HERC3: variants seen among roughly 807,000 people sequenced by gnomAD.
The protein encoded by HERC3 is probable E3 ubiquitin-protein ligase HERC3.
In HERC3, 58 loss-of-function variants were observed where a neutral mutation model predicts 129.9. The ratio of observed to expected loss-of-function variants is 0.45; its 90% CI spans 0.36 to 0.56. The LOEUF (loss-of-function observed/expected upper bound fraction) is 0.56. Among genes scored for constraint, HERC3 ranks in the 20% least tolerant of loss-of-function variants. HERC3 has a pLI of 0.00. For synonymous variants in HERC3, 430 were observed against 451.0 expected (o/e 0.95, Z 0.59); for missense variants, 835 against 1,244.2 (o/e 0.67, Z 4.95).
the HERC3 span, chr4:88,527,807 C>T: frequency 6.1e-6 from 2 of 327,120 alleles, no homozygotes; most frequent in South Asian, 2.8e-5. Context: ...GTGATCTTGG[C>T]CATCCTGCAC....
intron 23 of HERC3, among the ~76,000 whole-genome samples, chr4:88,688,974 T>A (rs2149328475): frequency 6.6e-6 from 1 of 152,252 alleles, no homozygotes; most frequent in Non-Finnish European, 1.5e-5. Context: ...AGAATGACAG[T>A]CTTTCTTTGG....
the HERC3 span, among the ~76,000 whole-genome samples, chr4:88,539,371 G>A: frequency 0.053 from 8,005 of 152,198 alleles, 725 homozygotes; most frequent in African/African-American, 0.18. Flanking sequence ...GGGGGAGAGG[G>A]GCATCCACTA....
At position 88,654,131 on chromosome 4, in the gene HERC3, A is replaced by C; in HGVS notation, c.775A>C (p.Lys259Gln). Residue 259 changes from lysine to glutamine, a missense_variant and splice_region_variant, in exon 7 of 26, where the codon AAG (lysine) becomes CAG (glutamine). By Grantham distance (53) the Lys-to-Gln change is moderately conservative. Transcript: ENST00000402738. ...CGEEHTAVLT[K>Q]SGGVFTFGAG... is the part of the protein sequence containing the mutation. Reference sequence around the variant, plus strand: ...AGAAGAACACACAGCAGTTCTCACAAAGGTAAGGAGCTCAGAGTATTTTAC... The same window carrying C: ...AGAAGAACACACAGCAGTTCTCACACAGGTAAGGAGCTCAGAGTATTTTAC... The C allele has an allele frequency of 6.2e-7, 1 of 1,609,296 alleles. No individual in the cohort carries two copies. The highest frequency in any genetic ancestry group is 1.1e-5 in the South Asian group (1 of 90,962).
chr4:88,531,537 A>C, the HERC3 span, among the ~76,000 whole-genome samples: 1 of 152,236 alleles, frequency 6.6e-6, no homozygotes, highest in African/African-American at 2.4e-5. Flanking sequence ...AAAAATTTGC[A>C]GTTCTTTCCA....
intron 5 of HERC3, among the ~76,000 whole-genome samples, chr4:88,652,622 C>T (rs564499204): frequency 6.6e-6 from 1 of 152,196 alleles, no homozygotes; most frequent in Non-Finnish European, 1.5e-5. Flanking sequence ...TTTACTTATA[C>T]ATTTAATATT....
At chr4:88,525,124 T>G in the HERC3 span, 1 of 152,192 alleles carries the variant, frequency 6.6e-6, no homozygotes, top group Admixed American at 6.5e-5. Flanking sequence ...AAGGAAACAC[T>G]TCTACTGGAT....
chr4:88,661,284 T>A (rs1398188554), intron 10 of HERC3, among the ~76,000 whole-genome samples: 1 of 152,206 alleles, frequency 6.6e-6, no homozygotes, highest in Non-Finnish European at 1.5e-5. Flanking sequence ...ATTTTTGTTC[T>A]CTCAATAGAT....
intron 21 of HERC3, among the ~76,000 whole-genome samples, chr4:88,682,795 GT>G (rs1210473037): frequency 6.6e-6 from 1 of 152,034 alleles, no homozygotes; most frequent in Non-Finnish European, 1.5e-5. Context: ...GTGTGCATGT[GT>G]CTTTATAGCA....
chr4:88,656,692 G>A (rs957990393), intron 9 of HERC3: 1 of 152,250 alleles, frequency 6.6e-6, no homozygotes, highest in Admixed American at 6.5e-5. Context: ...ACAGACCTTG[G>A]TGGTGGTGTA....
intron 24 of HERC3, 84 bp downstream of exon 24, chr4:88,704,365 TC>T: frequency 7.0e-7 from 1 of 1,430,996 alleles, no homozygotes; most frequent in Non-Finnish European, 9.8e-7. Context: ...CTGGTCTCGT[TC>T]CAAGCATACT....
intron 3 of HERC3, among the ~76,000 whole-genome samples, chr4:88,645,985 G>A (rs1221979534): frequency 6.6e-6 from 1 of 152,158 alleles, no homozygotes; most frequent in Non-Finnish European, 1.5e-5. Flanking sequence ...TCACTTTGTA[G>A]GTTACTTTTA....
chr4:88,700,696 C>A (rs930014886), intron 23 of HERC3, among the ~76,000 whole-genome samples: 2 of 151,196 alleles, frequency 1.3e-5, no homozygotes. Flanking sequence ...GGGTGTGAAG[C>A]CGAGGGGGGT....
At chr4:88,541,540 G>A in the HERC3 span, among the ~76,000 whole-genome samples, 1 of 152,198 alleles carries the variant, frequency 6.6e-6, no homozygotes, top group Non-Finnish European at 1.5e-5. Flanking sequence ...CAGCAAGACA[G>A]AAGGTTAACA....
chr4:88,675,827 T>C (rs976170006), intron 16 of HERC3, among the ~76,000 whole-genome samples: 1 of 151,986 alleles, frequency 6.6e-6, no homozygotes, highest in African/African-American at 2.4e-5. Context: ...TGTAGGAAGA[T>C]GCAACATCAT....
chr4:88,614,821 T>G (rs781702513), intron 3 of HERC3, among the ~76,000 whole-genome samples: 1 of 152,182 alleles, frequency 6.6e-6, no homozygotes, highest in Non-Finnish European at 1.5e-5. Flanking sequence ...ACACAACAAA[T>G]TAGTGCAGAT....
intron 10 of HERC3, among the ~76,000 whole-genome samples, chr4:88,660,895 A>T (rs769417057): frequency 6.6e-6 from 1 of 152,192 alleles, no homozygotes; most frequent in African/African-American, 2.4e-5. Context: ...GGATTATTGA[A>T]CGCTCCCATG....
chr4:88,533,120 G>A, the HERC3 span, among the ~76,000 whole-genome samples: 1,110 of 152,342 alleles, frequency 7.3e-3, 7 homozygotes, highest in African/African-American at 0.025. Flanking sequence ...ATCCACTGAT[G>A]TATGTCCAAG....
At chr4:88,694,110 A>C (rs1473541078) in intron 23 of HERC3, among the ~76,000 whole-genome samples, 1 of 152,204 alleles carries the variant, frequency 6.6e-6, no homozygotes. Flanking sequence ...AAATCTTATC[A>C]TAAACAAAAG....
intron 23 of HERC3, among the ~76,000 whole-genome samples, chr4:88,694,294 G>T (rs1357583799): frequency 2.6e-5 from 4 of 152,146 alleles, no homozygotes; most frequent in Non-Finnish European, 4.4e-5. Flanking sequence ...TGTCCTTTAT[G>T]TATTTCTCTA....
Sources: gnomAD v4.1 joint callset for allele counts (sites outside exome capture counted in the v4.1 genomes callset) on GRCh38, gnomAD v4.1.1 for gene constraint, MANE v1.5 for transcripts, NCBI Gene and HGNC (gene_info 2026-07-23, HGNC 2026-07-21) for gene names.